The following SUSD1 variants were observed in gnomAD, a reference collection of about 807,000 sequenced individuals.
The protein encoded by SUSD1 is sushi domain containing 1.
In SUSD1, 65 loss-of-function variants were observed where a neutral mutation model predicts 86.9. The ratio of observed to expected loss-of-function variants is 0.75; its 90% confidence interval spans 0.61 to 0.92. SUSD1 has a LOEUF of 0.92. SUSD1 is among the 40% of genes least tolerant of loss of function. The pLI, the probability that SUSD1 is intolerant of heterozygous loss-of-function variation, is 0.00. For synonymous variants in SUSD1, 346 were observed against 350.0 expected (o/e 0.99, Z 0.13); for missense variants, 850 against 929.7 (o/e 0.91, Z 1.11).
intron 10 of SUSD1, among the ~76,000 whole-genome samples, chr9:112,089,811 CAAAAAAA>C (rs3983407): frequency 0.49 from 57,245 of 115,926 alleles, 12,052 homozygotes; most frequent in East Asian, 0.75. Flanking sequence ...GATTCCATCT[CAAAAAAA>C]AAAAAAAAAA....
Position 112,098,595 on chromosome 9 carries a change from G to A in SUSD1, c.1349C>T (p.Thr450Met), listed in dbSNP as rs780333424. Reference sequence around the variant, plus strand: ...ACACACTACAGGCACTTGTTCCCTCGTTGTGAAGTTAAACGATGTTGCATG... The same window carrying A: ...ACACACTACAGGCACTTGTTCCCTCATTGTGAAGTTAAACGATGTTGCATG... ...FSHATSFNFTTREQVPVVCLD... is the reference protein window; with the variant it reads ...FSHATSFNFTMREQVPVVCLD... Residue 450 changes from threonine (T) to methionine (M), a missense_variant, in exon 10 of 17, where the codon ACG becomes ATG. Coordinates refer to ENST00000374270, the MANE Select transcript of SUSD1 (RefSeq NM_022486.5). 17 of 1,614,040 alleles carry A rather than the reference G, an allele frequency of 1.1e-5. No homozygotes were observed. Among genetic ancestry groups the A allele is most frequent in the African/African-American group, 8.0e-5 (6 of 74,918 alleles).
At chr9:112,069,151 G>A (rs1460450449) in intron 12 of SUSD1, among the ~76,000 whole-genome samples, 3 of 141,444 alleles carry the variant, frequency 2.1e-5, no homozygotes, top group Non-Finnish European at 4.7e-5. Context: ...GGGGCCAAGG[G>A]CGGACCACCG....
At chr9:112,121,306 G>A (rs1171956412) in intron 6 of SUSD1, among the ~76,000 whole-genome samples, 1 of 152,126 alleles carries the variant, frequency 6.6e-6, no homozygotes, top group Non-Finnish European at 1.5e-5. Context: ...GAATTGCATG[G>A]CACATACAGG....
intron 12 of SUSD1, among the ~76,000 whole-genome samples, chr9:112,076,320 G>A (rs185726373): frequency 2.6e-5 from 4 of 152,174 alleles, no homozygotes; most frequent in Admixed American, 2.6e-4. Context: ...AGGCACAGGT[G>A]GGGAGAAGTG....
At chr9:112,080,987 A>G (rs1829744111) in intron 10 of SUSD1, among the ~76,000 whole-genome samples, 1 of 152,190 alleles carries the variant, frequency 6.6e-6, no homozygotes, top group African/African-American at 2.4e-5. Flanking sequence ...GCAAAGAAAT[A>G]TTTCTTGTCC....
chr9:112,110,031 A>G (rs1831022409), intron 8 of SUSD1, among the ~76,000 whole-genome samples: 1 of 152,106 alleles, frequency 6.6e-6, no homozygotes, highest in Non-Finnish European at 1.5e-5. Flanking sequence ...GCTAATTAAG[A>G]ACTTTCTCAA....
chr9:112,116,370 T>A (rs1362232355), intron 6 of SUSD1, among the ~76,000 whole-genome samples: 1 of 152,186 alleles, frequency 6.6e-6, no homozygotes, highest in Non-Finnish European at 1.5e-5. Flanking sequence ...GCCTACAAAT[T>A]AGTTGGAAAG....
chr9:112,152,635 C>A (rs1438555028), intron 2 of SUSD1, among the ~76,000 whole-genome samples: 1 of 148,626 alleles, frequency 6.7e-6, no homozygotes, highest in African/African-American at 2.5e-5. Flanking sequence ...ATCTCGAACT[C>A]CTGGCCTCAA....
chr9:112,114,823 C>A (rs1159407109), intron 6 of SUSD1, among the ~76,000 whole-genome samples: 1 of 152,188 alleles, frequency 6.6e-6, no homozygotes, highest in African/African-American at 2.4e-5. Context: ...ATCCTTCCTC[C>A]TTTCTTTCCT....
intron 12 of SUSD1, among the ~76,000 whole-genome samples, chr9:112,068,935 C>A (rs1829120602): frequency 6.6e-6 from 1 of 152,068 alleles, no homozygotes; most frequent in Non-Finnish European, 1.5e-5. Flanking sequence ...GCAGTGATGT[C>A]ATTTACCAAG....
At chr9:112,136,699 A>G (rs1832281772) in intron 5 of SUSD1, among the ~76,000 whole-genome samples, 2 of 152,186 alleles carry the variant, frequency 1.3e-5, no homozygotes, top group Non-Finnish European at 2.9e-5. Context: ...GATCCTTTCC[A>G]TACCAGCACT....
At chr9:112,046,572 G>C (rs912104654) in intron 15 of SUSD1, among the ~76,000 whole-genome samples, 7 of 152,204 alleles carry the variant, frequency 4.6e-5, no homozygotes, top group Admixed American at 6.5e-5. Context: ...GAGGAAGTTA[G>C]AAAGGCCCTA....
chr9:112,052,443 A>T lies in SUSD1; in HGVS notation c.2110-5T>A, dbSNP rs900582980. 3 of 1,613,942 alleles carry T rather than the reference A, an allele frequency of 1.9e-6. No homozygotes were observed. Among genetic ancestry groups the T allele is most frequent in the Admixed American group, 3.3e-5 (2 of 60,000 alleles). On this transcript the variant is annotated splice_region_variant and splice_polypyrimidine_tract_variant and intron_variant, in intron 14 of 16. Transcript: ENST00000374270. Reference sequence around the variant, plus strand: ...TGCACAGGAGTGTCTTCTCACCTATAAAGGAAAACATAGCAATGCATTTAG... The same window carrying T: ...TGCACAGGAGTGTCTTCTCACCTATTAAGGAAAACATAGCAATGCATTTAG...
intron 12 of SUSD1, among the ~76,000 whole-genome samples, chr9:112,068,026 A>C (rs1342243071): frequency 6.6e-6 from 1 of 152,212 alleles, no homozygotes; most frequent in Non-Finnish European, 1.5e-5. Context: ...TGCATTCAAC[A>C]AACACCCATT....
At chr9:112,080,407 G>C (rs1829712855) in intron 10 of SUSD1, among the ~76,000 whole-genome samples, 1 of 152,166 alleles carries the variant, frequency 6.6e-6, no homozygotes, top group Non-Finnish European at 1.5e-5. Context: ...ATTTGAGTGG[G>C]CCGGGCACAG....
chr9:112,099,144 G>A (rs1830524311), intron 9 of SUSD1, among the ~76,000 whole-genome samples: 1 of 151,790 alleles, frequency 6.6e-6, no homozygotes, highest in African/African-American at 2.4e-5. Context: ...CAAACTCCTG[G>A]ACTGAAGTGA....
Position 112,041,856 on chromosome 9 carries a change from C to A in SUSD1, c.2243+11G>T, listed in dbSNP as rs1305251413. Reference sequence around the variant, plus strand: ...TTCCAGTCATTTCTCAAAAATGACACCCTCACATACCACACCGCTGAGAAG... The same window carrying A: ...TTCCAGTCATTTCTCAAAAATGACAACCTCACATACCACACCGCTGAGAAG... On this transcript the variant is annotated intron_variant, in intron 16 of 16. Transcript: ENST00000374270. 14 of 1,611,796 alleles carry A rather than the reference C, an allele frequency of 8.7e-6. No individual in the cohort carries two copies. Among genetic ancestry groups the A allele is most frequent in the Non-Finnish European group, 1.2e-5 (14 of 1,178,856 alleles).
chr9:112,150,267 C>A (rs1270771036), intron 2 of SUSD1, among the ~76,000 whole-genome samples: 1 of 152,222 alleles, frequency 6.6e-6, no homozygotes, highest in East Asian at 1.9e-4. Context: ...GCTGACTCTG[C>A]CTAACCCTCT....
intron 10 of SUSD1, among the ~76,000 whole-genome samples, chr9:112,089,755 C>A (rs534805245): frequency 6.9e-6 from 1 of 145,166 alleles, no homozygotes; most frequent in Non-Finnish European, 1.5e-5. Context: ...GAAGTTGCAG[C>A]GAGCTGAGAT....
Sources: gnomAD v4.1 joint callset for allele counts (sites outside exome capture counted in the v4.1 genomes callset) on GRCh38, gnomAD v4.1.1 for gene constraint, MANE v1.5 for transcripts, NCBI Gene and HGNC (gene_info 2026-07-23, HGNC 2026-07-21) for gene names.